The following UBE4B variants were observed in gnomAD, a reference collection of about 807,000 sequenced individuals.
The protein encoded by UBE4B is ubiquitination factor E4B.
Under a neutral mutation model 148.1 loss-of-function variants are expected in UBE4B, and 27 were observed. The observed-to-expected ratio is 0.18, with a 90% CI of 0.13 to 0.25. The LOEUF (loss-of-function observed/expected upper bound fraction) is 0.25, where lower values mean the gene tolerates loss of function less well. Ranked by LOEUF, UBE4B falls within the 10% of genes least tolerant of loss-of-function variation. UBE4B has a pLI of 1.00. For missense variants in UBE4B, 1,170 were observed against 1,662.4 expected (o/e 0.70, Z 5.15); for synonymous variants, 596 against 619.3 (o/e 0.96, Z 0.56).
intron 12 of UBE4B, among the ~76,000 whole-genome samples, chr1:10,130,294 C>T (rs558795195): frequency 9.9e-5 from 15 of 152,124 alleles, no homozygotes; most frequent in Middle Eastern, 3.4e-3. Flanking sequence ...AGGGTTGTCT[C>T]GGACTCCTGA....
At chr1:10,152,622 A>G (rs1645995636) in intron 21 of UBE4B, among the ~76,000 whole-genome samples, 1 of 151,732 alleles carries the variant, frequency 6.6e-6, no homozygotes, top group African/African-American at 2.4e-5. Flanking sequence ...ACATGGAGAA[A>G]CCCCGTCTCT....
At chr1:10,057,843 G>A (rs1430397580) in intron 1 of UBE4B, among the ~76,000 whole-genome samples, 1 of 152,168 alleles carries the variant, frequency 6.6e-6, no homozygotes, top group Admixed American at 6.5e-5. Context: ...ACTCACCTGG[G>A]AAAGTTCTCA....
rs1170469297 is a variant in UBE4B, at chr1:10,073,499, A to T, written c.211+1285A>T. Among the ~76,000 whole-genome samples the T allele has an allele frequency of 2.0e-5, 3 of 152,082 alleles. No homozygotes were observed. In the East Asian group the frequency reaches 5.8e-4, roughly 29 times the overall value. ...CACTTTGGGAAGCCAAGGTGGGTGGATCAGTTGAGGTCAGGAGTTTGAGAT... is the reference window on the plus strand; with the variant it reads ...CACTTTGGGAAGCCAAGGTGGGTGGTTCAGTTGAGGTCAGGAGTTTGAGAT... On this transcript the variant is annotated intron_variant, in intron 2 of 27. Transcript: ENST00000343090.
At chr1:10,137,493 G>C (rs866376626) in intron 17 of UBE4B, among the ~76,000 whole-genome samples, 32 of 152,082 alleles carry the variant, frequency 2.1e-4, no homozygotes, top group Admixed American at 1.4e-3. Flanking sequence ...TACATTACCA[G>C]GAGGCACTTC....
At chr1:10,090,785 C>G (rs1422675879) in intron 2 of UBE4B, among the ~76,000 whole-genome samples, 3 of 133,362 alleles carry the variant, frequency 2.2e-5, no homozygotes, top group Non-Finnish European at 4.7e-5. Flanking sequence ...ATTTAGAAGC[C>G]TATGCATTTG....
Position 10,168,015 on chromosome 1 carries a change from C to A in UBE4B, c.3199-121C>A. On this transcript the variant is annotated intron_variant, in intron 23 of 27. Transcript: ENST00000343090. This position sits in a 1 kb window ranked among gnomAD's most constrained non-coding sequence, Gnocchi z 4.9. ...TCAGTTATCTGGGACATGTGGCAGG[C>A]GGTTCTGTCATTCCCTAAGCATGTT... is the stretch of plus-strand genomic sequence containing the variant. 8.4e-7 allele frequency: 1 copy of A among 1,194,594 alleles called. No individual in the cohort carries two copies. The highest frequency in any genetic ancestry group is 1.1e-6 in the Non-Finnish European group (1 of 901,756). The allele number at this position is 1,194,594 out of a possible 1,614,324, so 74.0% of individuals were successfully genotyped here. A position where few individuals can be genotyped will look rare whatever the true frequency, so the allele number is the denominator to read the frequency against.
intron 2 of UBE4B, among the ~76,000 whole-genome samples, chr1:10,085,129 G>C (rs572502369): frequency 1.3e-5 from 2 of 152,268 alleles, no homozygotes; most frequent in Admixed American, 6.5e-5. Flanking sequence ...TACCTGGAGA[G>C]CCTTAACATT....
At chr1:10,076,871 C>T (rs565438628) in intron 2 of UBE4B, among the ~76,000 whole-genome samples, 5 of 151,582 alleles carry the variant, frequency 3.3e-5, no homozygotes, top group African/African-American at 4.8e-5. Context: ...CTCAGCCTCC[C>T]GATTAGCTGG....
chr1:10,129,226 T>A (rs1460076895), intron 11 of UBE4B, 166 bp from the exon 12 acceptor site: 3 of 512,518 alleles, frequency 5.9e-6, no homozygotes, highest in Non-Finnish European at 1.1e-5. Flanking sequence ...TGTTTTAGTT[T>A]ATTAATCAGA....
At chr1:10,084,161 G>T (rs1450435941) in intron 2 of UBE4B, among the ~76,000 whole-genome samples, 7 of 152,196 alleles carry the variant, frequency 4.6e-5, no homozygotes, top group Admixed American at 4.6e-4. Flanking sequence ...CCACGGTACT[G>T]CATGGCCTTT....
intron 1 of UBE4B, 128 bp downstream of exon 1, chr1:10,033,822 G>A (rs1643397461): frequency 2.9e-6 from 3 of 1,021,240 alleles, no homozygotes; most frequent in East Asian, 5.8e-5. Flanking sequence ...TATTTTCCAA[G>A]AATAACGTGA....
intron 2 of UBE4B, among the ~76,000 whole-genome samples, chr1:10,094,756 G>A (rs555349489): frequency 5.9e-5 from 9 of 151,600 alleles, no homozygotes; most frequent in African/African-American, 2.2e-4. Flanking sequence ...TATTATACTC[G>A]CTTTATCACA....
intron 2 of UBE4B, among the ~76,000 whole-genome samples, chr1:10,073,611 A>G (rs1026884362): frequency 6.6e-6 from 1 of 152,082 alleles, no homozygotes; most frequent in African/African-American, 2.4e-5. Flanking sequence ...TTCCAACTAC[A>G]AGAGAGGCTG....
At chr1:10,148,592 A>G (rs1198551425) in intron 19 of UBE4B, among the ~76,000 whole-genome samples, 1 of 149,692 alleles carries the variant, frequency 6.7e-6, no homozygotes, top group East Asian at 2.0e-4. Context: ...AGATCACGCC[A>G]CTGTACTCCA....
chr1:10,167,015 C>T (rs1415076256), intron 23 of UBE4B, among the ~76,000 whole-genome samples: 1 of 151,638 alleles, frequency 6.6e-6, no homozygotes, highest in Non-Finnish European at 1.5e-5. Context: ...TCCTGTAATC[C>T]CAGCTACTTG....
At chr1:10,095,014 G>A (rs1157859072) in intron 2 of UBE4B, among the ~76,000 whole-genome samples, 2 of 152,154 alleles carry the variant, frequency 1.3e-5, no homozygotes, top group African/African-American at 2.4e-5. Flanking sequence ...CCAAACCTCA[G>A]GTGGTCCACC....
chr1:10,111,038 GTCTCTGACACAC>G (rs1645209563), intron 7 of UBE4B, among the ~76,000 whole-genome samples: 8 of 98,478 alleles, frequency 8.1e-5, no homozygotes. Flanking sequence ...GTCTTTCTCT[GTCTCTGACACAC>G]ACACACACAC....
intron 7 of UBE4B, among the ~76,000 whole-genome samples, chr1:10,109,136 T>G (rs1422334755): frequency 1.3e-5 from 2 of 151,906 alleles, no homozygotes; most frequent in Non-Finnish European, 2.9e-5. Context: ...AGATGTGGTG[T>G]CAGCTCTGTC....
chr1:10,169,002 T>G (rs1264985581), intron 24 of UBE4B, among the ~76,000 whole-genome samples: 1 of 152,196 alleles, frequency 6.6e-6, no homozygotes, highest in Non-Finnish European at 1.5e-5. Flanking sequence ...CTCTTAGCTG[T>G]ACCTTTGTTA....
Sources: allele counts gnomAD v4.1 joint callset (sites outside exome capture counted in the v4.1 genomes callset), GRCh38; gene constraint gnomAD v4.1.1; non-coding constraint Gnocchi (gnomAD v3.1); transcripts MANE v1.5; gene names NCBI Gene and HGNC (gene_info 2026-07-23, HGNC 2026-07-21).